TAFA2: variants seen among roughly 807,000 people sequenced by gnomAD.
TAFA2 encodes the protein TAFA chemokine like family member 2, also known as chemokine-like protein TAFA-2.
Under a neutral mutation model 18.8 loss-of-function variants are expected in TAFA2, and 7 were observed. The ratio of observed to expected loss-of-function variants is 0.37; its 90% CI spans 0.21 to 0.70. The LOEUF (loss-of-function observed/expected upper bound fraction) is 0.70. Among genes scored for constraint, TAFA2 ranks in the 30% least tolerant of loss-of-function variants. The probability of loss-of-function intolerance (pLI) is 0.53; values close to 1 mark genes in which losing one functional copy is unlikely to be tolerated. For missense variants in TAFA2, 122 were observed against 158.1 expected (o/e 0.77, Z 1.23); for synonymous variants, 60 against 54.2 (o/e 1.11, Z -0.47).
At chr12:61,899,485 G>A (rs1219456872) in intron 1 of TAFA2, among the ~76,000 whole-genome samples, 1 of 152,110 alleles carries the variant, frequency 6.6e-6, no homozygotes, top group Non-Finnish European at 1.5e-5. Flanking sequence ...CATCTTACAT[G>A]GCAGCAGGCA....
intron 2 of TAFA2, among the ~76,000 whole-genome samples, chr12:61,763,913 C>T (rs1017574335): frequency 9.2e-5 from 14 of 151,984 alleles, no homozygotes; most frequent in Middle Eastern, 3.4e-3. Flanking sequence ...TTTCAATTGG[C>T]CCCCTTTTTT....
chr12:61,955,405 C>T (rs190780518), intron 1 of TAFA2, among the ~76,000 whole-genome samples: 24 of 150,718 alleles, frequency 1.6e-4, no homozygotes, highest in African/African-American at 5.1e-4. Flanking sequence ...AGATCGAGAC[C>T]ATCCTAGCCA....
intron 2 of TAFA2, among the ~76,000 whole-genome samples, chr12:61,855,927 A>G (rs1224746207): frequency 1.3e-5 from 2 of 152,112 alleles, no homozygotes; most frequent in African/African-American, 4.8e-5. Flanking sequence ...ATCAAAGACA[A>G]AATAAAAGTA....
chr12:62,045,767 A>G (rs181745616), intron 1 of TAFA2, among the ~76,000 whole-genome samples: 125 of 152,154 alleles, frequency 8.2e-4, no homozygotes, highest in Non-Finnish European at 1.6e-3. Flanking sequence ...TCCTTACCAA[A>G]ATCAATCAAA....
chr12:61,996,883 A>T (rs1213958311), intron 1 of TAFA2, among the ~76,000 whole-genome samples: 1 of 152,202 alleles, frequency 6.6e-6, no homozygotes, highest in Non-Finnish European at 1.5e-5. Flanking sequence ...AGCATAGCAT[A>T]CTGTCAATCA....
At chr12:62,203,304 G>A (rs935606354) in intron 1 of TAFA2, among the ~76,000 whole-genome samples, 4 of 152,248 alleles carry the variant, frequency 2.6e-5, no homozygotes, top group Non-Finnish European at 5.9e-5. Context: ...CAAGAATAAC[G>A]TATATTCTGT....
chr12:62,076,507 A>G (rs1868249382), intron 1 of TAFA2, among the ~76,000 whole-genome samples: 1 of 152,092 alleles, frequency 6.6e-6, no homozygotes, highest in South Asian at 2.1e-4. Context: ...AGGGTTTTCA[A>G]TTCATCTACT....
rs547903651 is a variant in TAFA2, at chr12:61,793,842, T to C, written c.107-38818A>G. Among the ~76,000 whole-genome samples the C allele has an allele frequency of 3.9e-5, 6 of 152,020 alleles. No individual in the cohort carries two copies. In the East Asian group the frequency reaches 1.2e-3, roughly 29 times the overall value. ...ATAAACATAGATGCAAGAAGTTTTA[T>C]TAGCAAAATAAATCCAACAATACAT... On this transcript the variant is annotated intron_variant, in intron 2 of 4. Transcript: ENST00000416284.
chr12:61,796,201 T>C (rs994537639), intron 2 of TAFA2, among the ~76,000 whole-genome samples: 26 of 152,282 alleles, frequency 1.7e-4, no homozygotes, highest in Non-Finnish European at 2.6e-4. Context: ...CCAGATTAGA[T>C]AGATGATTGC....
chr12:61,857,907 G>C, intron 2 of TAFA2, among the ~76,000 whole-genome samples: 1 of 152,170 alleles, frequency 6.6e-6, no homozygotes, highest in East Asian at 1.9e-4. Context: ...AGAGACCCAG[G>C]GAAGAAAGAA....
intron 1 of TAFA2, among the ~76,000 whole-genome samples, chr12:61,916,915 G>A (rs7954669): frequency 0.027 from 4,170 of 152,230 alleles, 203 homozygotes; most frequent in African/African-American, 0.095. Context: ...GATACTTCAT[G>A]GAAATGTATT....
At chr12:62,055,241 C>A (rs1882157810) in intron 1 of TAFA2, among the ~76,000 whole-genome samples, 2 of 152,168 alleles carry the variant, frequency 1.3e-5, no homozygotes, top group Non-Finnish European at 2.9e-5. Context: ...AAATAAATTT[C>A]TGTCCTTTAT....
intron 1 of TAFA2, among the ~76,000 whole-genome samples, chr12:61,962,187 T>A (rs973835922): frequency 6.6e-6 from 1 of 152,152 alleles, no homozygotes; most frequent in South Asian, 2.1e-4. Context: ...TTTATTCTCA[T>A]ATTTTAACCT....
At chr12:62,020,431 T>C (rs1189617134) in intron 1 of TAFA2, among the ~76,000 whole-genome samples, 1 of 152,038 alleles carries the variant, frequency 6.6e-6, no homozygotes, top group Admixed American at 6.6e-5. Flanking sequence ...TAAGAAAACT[T>C]AAAAAGAATG....
chr12:62,007,162 A>G (rs1198048424), intron 1 of TAFA2, among the ~76,000 whole-genome samples: 1 of 151,906 alleles, frequency 6.6e-6, no homozygotes, highest in Non-Finnish European at 1.5e-5. Flanking sequence ...GAGCATGCTG[A>G]GCATGTCATC....
chr12:61,941,784 C>T (rs1247464713), intron 1 of TAFA2, among the ~76,000 whole-genome samples: 1 of 152,344 alleles, frequency 6.6e-6, no homozygotes, highest in Admixed American at 6.5e-5. Flanking sequence ...ATATCCCACA[C>T]CTGGCTCGGA....
intron 2 of TAFA2, among the ~76,000 whole-genome samples, chr12:61,815,017 T>C (rs1280562561): frequency 6.6e-6 from 1 of 151,576 alleles, no homozygotes; most frequent in African/African-American, 2.4e-5. Context: ...TTAACTTGTG[T>C]TGTTCTAAGT....
At chr12:61,962,715 A>T (rs1407100607) in intron 1 of TAFA2, among the ~76,000 whole-genome samples, 1 of 151,936 alleles carries the variant, frequency 6.6e-6, no homozygotes, top group Non-Finnish European at 1.5e-5. Flanking sequence ...TACTTATGTA[A>T]TTATACACAT....
At chr12:62,068,563 T>C (rs1180000835) in intron 1 of TAFA2, among the ~76,000 whole-genome samples, 1 of 152,144 alleles carries the variant, frequency 6.6e-6, no homozygotes, top group Non-Finnish European at 1.5e-5. Flanking sequence ...CTTACAATAG[T>C]TAAGCAAGGG....
Sources: allele counts gnomAD v4.1 joint callset (sites outside exome capture counted in the v4.1 genomes callset), GRCh38; gene constraint gnomAD v4.1.1; transcripts MANE v1.5; gene names NCBI Gene and HGNC (gene_info 2026-07-23, HGNC 2026-07-21).